The following DET1 variants were observed in gnomAD, a reference collection of about 807,000 sequenced individuals.
DET1 encodes DET1 homolog.
Under a neutral mutation model 43.7 loss-of-function variants are expected in DET1, and 22 were observed. The observed-to-expected ratio is 0.50, with a 90% CI of 0.36 to 0.72. The LOEUF (loss-of-function observed/expected upper bound fraction) is 0.72, where lower values mean the gene tolerates loss of function less well. Ranked by LOEUF, DET1 falls within the 30% of genes least tolerant of loss-of-function variation. The pLI, the probability that DET1 is intolerant of heterozygous loss-of-function variation, is 0.00. For missense variants in DET1, 713 were observed against 713.3 expected, an observed-to-expected ratio of 1.00 and a Z score of 0.00; for synonymous variants, 315 against 266.2, an observed-to-expected ratio of 1.18 and a Z score of -1.79.
At chr15:88,540,349 G>C (rs2057073303) in intron 1 of DET1, among the ~76,000 whole-genome samples, 1 of 151,724 alleles carries the variant, frequency 6.6e-6, no homozygotes, top group East Asian at 1.9e-4. Flanking sequence ...TGATTTTTCT[G>C]TTCTTTCTGG....
intron 1 of DET1, among the ~76,000 whole-genome samples, chr15:88,544,169 CAGTT>C (rs1020125549): frequency 6.6e-5 from 10 of 152,304 alleles, no homozygotes; most frequent in South Asian, 2.1e-4. Context: ...CTCAGTGGGT[CAGTT>C]AGGCGTTAAA....
rs775183903 is a variant in DET1 at position 88,512,967 on chromosome 15, C to T, written c.1637G>A (p.Arg546Gln). 3 of 1,613,946 alleles carry T rather than the reference C, an allele frequency of 1.9e-6. No individual in the cohort carries two copies. The highest frequency in any genetic ancestry group is 2.5e-6 in the Non-Finnish European group (3 of 1,179,848). ...NAEYVVNFHM[R>Q]HCCT Reference sequence around the variant, plus strand: ...GTGAGGCACCTACGTGCAGCAGTGTCGCATATGGAAGTTGACAACATACTC... The same window carrying T: ...GTGAGGCACCTACGTGCAGCAGTGTTGCATATGGAAGTTGACAACATACTC... Residue 546 changes from arginine (R) to glutamine (Q), a missense_variant, in exon 5 of 5, where the codon CGA becomes CAA. By Grantham distance (43) the Arg-to-Gln change is conservative (BLOSUM62 1). Coordinates refer to ENST00000268148, the MANE Select transcript of DET1 (RefSeq NM_001144074.3).
chr15:88,524,166 C>T (rs942667765), intron 3 of DET1, among the ~76,000 whole-genome samples: 6 of 151,794 alleles, frequency 4.0e-5, no homozygotes, highest in Admixed American at 2.6e-4. Flanking sequence ...TGTCCGGCCG[C>T]GACCCCGTCT....
intron 2 of DET1, among the ~76,000 whole-genome samples, chr15:88,529,304 G>A (rs962712732): frequency 6.6e-6 from 1 of 152,124 alleles, no homozygotes; most frequent in African/African-American, 2.4e-5. Flanking sequence ...ATAATTACAT[G>A]GATATAGAAT....
chr15:88,509,752 C>T (rs1181368944), downstream of DET1, among the ~76,000 whole-genome samples: 1 of 152,240 alleles, frequency 6.6e-6, no homozygotes, highest in African/African-American at 2.4e-5. Flanking sequence ...GCTGGCCAGG[C>T]ACACTACATT....
At chr15:88,505,904 T>A (rs1464312564) in intron 7 of DET1, 1 of 152,178 alleles carries the variant, frequency 6.6e-6, no homozygotes, top group Non-Finnish European at 1.5e-5. Context: ...TGTTCTGGTC[T>A]CCTCAGCCTT....
At chr15:88,529,717 A>C (rs1244565095) in intron 2 of DET1, among the ~76,000 whole-genome samples, 1 of 152,194 alleles carries the variant, frequency 6.6e-6, no homozygotes, top group African/African-American at 2.4e-5. Flanking sequence ...CTGAATTTCC[A>C]AACTAGTGTC....
intron 4 of DET1, among the ~76,000 whole-genome samples, chr15:88,514,026 C>G (rs1164361959): frequency 6.6e-6 from 1 of 151,584 alleles, no homozygotes; most frequent in Admixed American, 6.6e-5. Flanking sequence ...GTCTCGATCT[C>G]CTGACCTCGT....
chr15:88,539,475 AAAAACTGTC>A (rs2057045282), intron 1 of DET1, among the ~76,000 whole-genome samples: 1 of 151,852 alleles, frequency 6.6e-6, no homozygotes, highest in Admixed American at 6.6e-5. Flanking sequence ...AAAAAAAGGA[AAAAACTGTC>A]AAAACTGTTT....
chr15:88,535,714 C>T (rs1412345742), intron 1 of DET1, among the ~76,000 whole-genome samples: 1 of 151,634 alleles, frequency 6.6e-6, no homozygotes, highest in Non-Finnish European at 1.5e-5. Flanking sequence ...TGAGATCATG[C>T]CACTGCACTC....
downstream of DET1, among the ~76,000 whole-genome samples, chr15:88,511,200 G>A (rs2056196925): frequency 6.6e-6 from 1 of 152,064 alleles, no homozygotes; most frequent in Admixed American, 6.5e-5. Context: ...GTTCTCCTTT[G>A]GATGACCACC....
chr15:88,545,289 A>C (rs1445544621), intron 1 of DET1, among the ~76,000 whole-genome samples: 3 of 152,174 alleles, frequency 2.0e-5, no homozygotes, highest in Non-Finnish European at 4.4e-5. Context: ...ATAAATAAAT[A>C]ATAGAAATAA....
At chr15:88,518,455 T>G (rs556999818) in intron 3 of DET1, among the ~76,000 whole-genome samples, 5 of 152,202 alleles carry the variant, frequency 3.3e-5, no homozygotes, top group Non-Finnish European at 5.9e-5. Context: ...ATAAAAGAAG[T>G]AGGATACAAT....
In DET1 at chr15:88,516,828, C is replaced by T; in HGVS notation, c.1417G>A (p.Val473Ile). ...LSLFSYDDKW[V>I]SVMERPKTCG... Reference sequence around the variant, plus strand: ...GTCTTGGGCCGCTCCATGACAGATACCCACTTGTCATCATAACTGAAGAGA... The same window carrying T: ...GTCTTGGGCCGCTCCATGACAGATATCCACTTGTCATCATAACTGAAGAGA... Residue 473 changes from valine (V) to isoleucine (I), a missense_variant, in exon 4 of 5, where the codon GTA (valine) becomes ATA (isoleucine). Val to Ile is a conservative substitution (Grantham distance 29, BLOSUM62 3). Transcript: ENST00000268148. This position sits in a 1 kb window ranked among gnomAD's most constrained non-coding sequence, Gnocchi z 4.4. 1 of 1,609,122 alleles carries T rather than the reference C, an allele frequency of 6.2e-7. No individual in the cohort carries two copies. Among genetic ancestry groups the T allele is most frequent in the Non-Finnish European group, 8.5e-7 (1 of 1,178,074 alleles).
chr15:88,544,248 C>G (rs550779274), intron 1 of DET1, among the ~76,000 whole-genome samples: 2 of 152,084 alleles, frequency 1.3e-5, no homozygotes, highest in South Asian at 4.1e-4. Context: ...ACACATGAAC[C>G]GCACCCTAAA....
intron 1 of DET1, among the ~76,000 whole-genome samples, chr15:88,538,222 C>T (rs1033534679): frequency 6.6e-6 from 1 of 151,766 alleles, no homozygotes; most frequent in Non-Finnish European, 1.5e-5. Flanking sequence ...GGCTCTTTCA[C>T]TGGCAGCCCC....
Position 88,513,123 on chromosome 15 carries a change from G to A in DET1, c.1481C>T (p.Ser494Leu), listed in dbSNP as rs746402502. The A allele has an allele frequency of 6.8e-6, 11 of 1,612,348 alleles. No individual in the cohort carries two copies. Among genetic ancestry groups the A allele is most frequent in the East Asian group, 2.2e-5 (1 of 44,852 alleles). ...CTGGATCTCAAACTTGAGCAGGCCCGAGTCCCGGGCATAGAACCTAAAAAG... is the reference window on the plus strand; with the variant it reads ...CTGGATCTCAAACTTGAGCAGGCCCAAGTCCCGGGCATAGAACCTAAAAAG... The part of the protein sequence containing the change: ...DHPIRFYARD[S>L]GLLKFEIQAG... The change falls in exon 5 of 5, where the codon TCG becomes TTG. Residue 494 changes from serine (S) to leucine (L), a missense_variant. Transcript: ENST00000268148.
intron 1 of DET1, among the ~76,000 whole-genome samples, chr15:88,535,649 A>G (rs2056929040): frequency 6.6e-6 from 1 of 152,006 alleles, no homozygotes; most frequent in East Asian, 1.9e-4. Context: ...ACAGCTACTC[A>G]GGAGGCTGAG....
chr15:88,523,722 G>C (rs866591897), intron 3 of DET1, among the ~76,000 whole-genome samples: 2 of 145,746 alleles, frequency 1.4e-5, no homozygotes, highest in Non-Finnish European at 2.9e-5. Context: ...ATTGCAGACA[G>C]AGTCTCGCTC....
Sources: allele counts gnomAD v4.1 joint callset (sites outside exome capture counted in the v4.1 genomes callset), GRCh38; gene constraint gnomAD v4.1.1; non-coding constraint Gnocchi (gnomAD v3.1); transcripts MANE v1.5; gene names NCBI Gene and HGNC (gene_info 2026-07-23, HGNC 2026-07-21).